The following ANKUB1 variants were observed in gnomAD, a reference collection of about 807,000 sequenced individuals.
ANKUB1 encodes protein ANKUB1.
A neutral mutation model predicts 49.3 loss-of-function variants in ANKUB1; 42 were observed. That is an observed-to-expected ratio of 0.85 (90% CI 0.67 to 1.10). The LOEUF (loss-of-function observed/expected upper bound fraction) is 1.10. ANKUB1 is among the 50% of genes least tolerant of loss of function. ANKUB1 has a pLI of 0.00. For synonymous variants in ANKUB1, 222 were observed against 231.0 expected (o/e 0.96, Z 0.35); for missense variants, 613 against 642.0 (o/e 0.95, Z 0.49).
intron 3 of ANKUB1, among the ~76,000 whole-genome samples, chr3:149,777,670 C>T (rs556590177): frequency 6.6e-6 from 1 of 152,324 alleles, no homozygotes; most frequent in Non-Finnish European, 1.5e-5. Flanking sequence ...TTCTGTCCCT[C>T]CCTGGAATGT....
chr3:149,762,635 C>T (rs187574181), intron 5 of ANKUB1, among the ~76,000 whole-genome samples: 158 of 152,282 alleles, frequency 1.0e-3, no homozygotes, highest in African/African-American at 3.6e-3. Context: ...TCCAACGAGT[C>T]TTCCATACAT....
rs1019454714 is a variant in ANKUB1, at chr3:149,767,856, C to T, written c.806G>A (p.Cys269Tyr). ...FVNYSVLCLE[C>Y]KNAAGQTPLT... ...GGGAGTTTGTCCTGCTGCATTTTTG[C>T]ATTCCAGGCACAGCACACTGTAGTT... Residue 269 changes from cysteine (C) to tyrosine (Y), a missense_variant, in exon 5 of 6, where the codon TGC (cysteine) becomes TAC (tyrosine). Cys to Tyr is a radical substitution (Grantham distance 194). Transcript: ENST00000446160. The T allele has an allele frequency of 6.4e-7, 1 of 1,551,682 alleles. No homozygotes were observed.
Position 149,762,377 on chromosome 3 carries a change from T to A in ANKUB1, c.1506-764A>T, listed in dbSNP as rs897811719. Reference sequence around the variant, plus strand: ...TCTTCCTAAACTTGTCCCACTTCTGTTTCCTTGTTCTAACACTTCGATTTT... The same window carrying A: ...TCTTCCTAAACTTGTCCCACTTCTGATTCCTTGTTCTAACACTTCGATTTT... On this transcript the variant is annotated intron_variant, in intron 5 of 5. Coordinates refer to ENST00000446160, the MANE Select transcript of ANKUB1 (RefSeq NM_001144960.3). Among the ~76,000 whole-genome samples, 5 of 152,336 alleles carry A rather than the reference T, an allele frequency of 3.3e-5. No homozygotes were observed. The South Asian group carries it at 8.3e-4, about 25-fold the overall frequency.
intron 2 of ANKUB1, among the ~76,000 whole-genome samples, chr3:149,787,862 T>G (rs1299451158): frequency 6.6e-6 from 1 of 152,216 alleles, no homozygotes; most frequent in African/African-American, 2.4e-5. Context: ...AGAAGCCAAC[T>G]ATTTTGGATT....
chr3:149,766,698 T>C, intron 5 of ANKUB1: 3 of 644,684 alleles, frequency 4.7e-6, no homozygotes, highest in Non-Finnish European at 5.4e-6. Context: ...CTTGGAAGGC[T>C]GAGATGGGAG....
At chr3:149,762,153 C>A (rs1716809446) in intron 5 of ANKUB1, among the ~76,000 whole-genome samples, 1 of 152,104 alleles carries the variant, frequency 6.6e-6, no homozygotes, top group South Asian at 2.1e-4. Context: ...TTTTACATCA[C>A]CTTAAATGTT....
At chr3:149,791,205 G>A (rs551850123) in intron 1 of ANKUB1, among the ~76,000 whole-genome samples, 3 of 152,216 alleles carry the variant, frequency 2.0e-5, no homozygotes, top group Non-Finnish European at 2.9e-5. Context: ...AGGAGTAGTC[G>A]CTGTACCTGT....
chr3:149,766,948 A>G lies in ANKUB1; in HGVS notation c.1505+209T>C. 19 of 1,051,976 alleles carry G rather than the reference A, an allele frequency of 1.8e-5. 3 individuals carry two copies. The highest frequency in any genetic ancestry group is 2.7e-5 in the Non-Finnish European group (19 of 708,846). The allele number at this position is 1,051,976 out of a possible 1,614,324, so 65.2% of individuals were successfully genotyped here. ...TTTCCCTCCTGAAAGTTTGAGGAGTAAAGTACTGCACAGATTGGATTGGCC... is the reference window on the plus strand; with the variant it reads ...TTTCCCTCCTGAAAGTTTGAGGAGTGAAGTACTGCACAGATTGGATTGGCC... On this transcript the variant is annotated intron_variant, in intron 5 of 5. Coordinates refer to ENST00000446160, the MANE Select transcript of ANKUB1 (RefSeq NM_001144960.3).
intron 5 of ANKUB1, chr3:149,766,884 G>GA: frequency 1.3e-6 from 1 of 784,544 alleles, no homozygotes; most frequent in East Asian, 3.5e-5. Flanking sequence ...CAGCAGCAAG[G>GA]GACCTTGAGA....
Position 149,778,888 on chromosome 3 carries a change from TATGTTGGGAGAACTCAAATTTCATTGCA to T in ANKUB1, c.451+1323_451+1350del, listed in dbSNP as rs563319329. The T allele has an allele frequency of 3.9e-5, 6 of 152,322 alleles. No homozygotes were observed. In the South Asian group the frequency reaches 1.2e-3, roughly 32 times the overall value. The allele number at this position is 152,322 out of a possible 1,614,324, so 9.4% of individuals were successfully genotyped here. A position where few individuals can be genotyped will look rare whatever the true frequency, so the allele number is the denominator to read the frequency against. On this transcript the variant is annotated intron_variant, in intron 3 of 5. Transcript: ENST00000446160. Reference sequence around the variant, plus strand: ...AAGGATACCTACAAAGCCCTATGTATATGTTGGGAGAACTCAAATTTCATTGCAATGTTACAACACAATGTTACCTAAG... The same window carrying T: ...AAGGATACCTACAAAGCCCTATGTATATGTTACAACACAATGTTACCTAAG...
chr3:149,761,834 A>C (rs905182403), intron 5 of ANKUB1, among the ~76,000 whole-genome samples: 5 of 152,198 alleles, frequency 3.3e-5, no homozygotes, highest in African/African-American at 4.8e-5. Flanking sequence ...TAGAATCCAC[A>C]ACTAGAAACA....
At chr3:149,773,747 C>T (rs914376665) in intron 3 of ANKUB1, among the ~76,000 whole-genome samples, 2 of 152,128 alleles carry the variant, frequency 1.3e-5, no homozygotes, top group African/African-American at 4.8e-5. Context: ...CAGTAGAAAG[C>T]TTTAGCCTGG....
intron 2 of ANKUB1, among the ~76,000 whole-genome samples, chr3:149,786,403 C>A (rs1430257422): frequency 6.6e-6 from 1 of 152,194 alleles, no homozygotes; most frequent in African/African-American, 2.4e-5. Flanking sequence ...CTGTTCATGT[C>A]CTTTGCCCAC....
intron 5 of ANKUB1, among the ~76,000 whole-genome samples, chr3:149,763,181 A>G (rs527865190): frequency 1.1e-4 from 17 of 152,330 alleles, no homozygotes; most frequent in Admixed American, 3.9e-4. Flanking sequence ...CCATCCATGC[A>G]GCCCATAAAA....
intron 2 of ANKUB1, among the ~76,000 whole-genome samples, chr3:149,790,117 A>C (rs1718295829): frequency 6.6e-6 from 1 of 152,170 alleles, no homozygotes; most frequent in Non-Finnish European, 1.5e-5. Flanking sequence ...CTAGAGCAGC[A>C]GCATTTAAAT....
intron 2 of ANKUB1, among the ~76,000 whole-genome samples, chr3:149,789,080 C>T (rs995733403): frequency 3.3e-5 from 5 of 151,988 alleles, no homozygotes; most frequent in Non-Finnish European, 5.9e-5. Context: ...GGCCAGGATA[C>T]TTTTTACTGT....
At chr3:149,785,761 T>C (rs1251914755) in intron 2 of ANKUB1, among the ~76,000 whole-genome samples, 1 of 152,174 alleles carries the variant, frequency 6.6e-6, no homozygotes, top group East Asian at 1.9e-4. Context: ...TTGATAATCC[T>C]TTGTATATAT....
chr3:149,780,098 T>C (rs1559868263), intron 3 of ANKUB1, 141 bp downstream of exon 3: 2 of 722,736 alleles, frequency 2.8e-6, no homozygotes, highest in Non-Finnish European at 4.5e-6. Flanking sequence ...GTGTTAACTG[T>C]TTTAAAGTGA....
At chr3:149,788,423 C>A (rs1429178897) in intron 2 of ANKUB1, among the ~76,000 whole-genome samples, 5 of 151,846 alleles carry the variant, frequency 3.3e-5, no homozygotes, top group African/African-American at 4.8e-5. Context: ...CACTCTCTTG[C>A]ACAGGCTGGG....
Sources: allele counts gnomAD v4.1 joint callset (sites outside exome capture counted in the v4.1 genomes callset), GRCh38; gene constraint gnomAD v4.1.1; transcripts MANE v1.5; gene names NCBI Gene and HGNC (gene_info 2026-07-23, HGNC 2026-07-21).